Variants in HSPBP1 observed in about 807,000 individuals in gnomAD.
HSPBP1 encodes HSPA (Hsp70) binding protein 1, also known as hsp70-binding protein 1.
Under a neutral mutation model 41.7 loss-of-function variants are expected in HSPBP1, and 31 were observed. That is an observed-to-expected ratio of 0.74 (90% CI 0.56 to 1.00). HSPBP1 has a LOEUF of 1.00. Ranked by LOEUF, HSPBP1 falls within the 50% of genes least tolerant of loss-of-function variation. The pLI, the probability that HSPBP1 is intolerant of heterozygous loss-of-function variation, is 0.00. For missense variants in HSPBP1, 439 were observed against 487.9 expected (o/e 0.90, Z 0.94); for synonymous variants, 199 against 214.4 (o/e 0.93, Z 0.63).
chr19:55,279,976 T>G, intron 1 of HSPBP1, 59 bp downstream of exon 1: 1 of 360,370 alleles, frequency 2.8e-6, no homozygotes, highest in Non-Finnish European at 5.2e-6. Flanking sequence ...TTGGTCTCCT[T>G]AGCAACAAGT....
At position 55,268,782 on chromosome 19, in the gene HSPBP1, C is replaced by A. The variant is rs1354927331; in HGVS notation, c.641-2496G>T. Among the ~76,000 whole-genome samples the A allele has an allele frequency of 1.3e-5, 2 of 152,032 alleles. No homozygotes were observed. The highest frequency in any genetic ancestry group is 4.8e-5 in the African/African-American group (2 of 41,380). ...CTCTCGGGTTCAAGCAATTTTTATG[C>A]CTCAACCTACCGAGTAGCCGAGATT... On this transcript the variant is annotated intron_variant, in intron 4 of 7. Coordinates refer to ENST00000433386, the MANE Select transcript of HSPBP1 (RefSeq NM_012267.5). The surrounding 1 kb of genome is among the most constrained non-coding windows in gnomAD (Gnocchi z 4.5).
At chr19:55,263,737 T>A (rs988904093) in intron 7 of HSPBP1, among the ~76,000 whole-genome samples, 1 of 152,184 alleles carries the variant, frequency 6.6e-6, no homozygotes, top group Non-Finnish European at 1.5e-5. Context: ...AGAATTCACA[T>A]GCACCTTTGC....
intron 4 of HSPBP1, among the ~76,000 whole-genome samples, chr19:55,266,507 AC>A (rs2087790569): frequency 2.4e-5 from 1 of 41,116 alleles, no homozygotes; most frequent in Non-Finnish European, 6.0e-5. Flanking sequence ...TATCACCATC[AC>A]CACCACCACC....
chr19:55,269,916 G>A (rs1568963628), intron 4 of HSPBP1, among the ~76,000 whole-genome samples: 1 of 152,300 alleles, frequency 6.6e-6, no homozygotes, highest in East Asian at 1.9e-4. Context: ...CACTCTGGTA[G>A]ACTGTAACAA....
At chr19:55,265,437 C>T (rs1179140058) in intron 6 of HSPBP1, 48 bp from the exon 7 acceptor site, 1 of 1,470,986 alleles carries the variant, frequency 6.8e-7, no homozygotes, top group South Asian at 1.1e-5. Context: ...CTAGAGGCCT[C>T]ACTGACCCAA....
In HSPBP1 at chr19:55,279,812, G is replaced by T. The variant is rs377513889; in HGVS notation, c.-94-110C>A. On this transcript the variant is annotated intron_variant, in intron 1 of 7. Transcript: ENST00000433386. The stretch of plus-strand genomic sequence containing the variant: ...CCCTTTTCCTTCCTTCATACCCACA[G>T]GACCCTTCCCCAAAGTCATAAGCCT... 10 of 1,258,370 alleles carry T rather than the reference G, an allele frequency of 7.9e-6. No individual in the cohort carries two copies. The South Asian group carries it at 1.3e-4, about 16-fold the overall frequency. The allele number at this position is 1,258,370 out of a possible 1,614,324, so 78.0% of individuals were successfully genotyped here.
intron 2 of HSPBP1, 147 bp from the exon 3 acceptor site, chr19:55,277,993 T>A (rs2088122066): frequency 1.4e-6 from 1 of 724,682 alleles, no homozygotes; most frequent in Admixed American, 3.2e-5. Context: ...ATCCCTGTAA[T>A]CCCAGCACTT....
chr19:55,279,780 C>T, intron 1 of HSPBP1, 78 bp from the exon 2 acceptor site: 5 of 1,473,696 alleles, frequency 3.4e-6, no homozygotes, highest in Non-Finnish European at 4.6e-6. Flanking sequence ...GCCCACTTAA[C>T]CACAGCCCCT....
At chr19:55,273,930 A>G (rs73053144) in intron 4 of HSPBP1, among the ~76,000 whole-genome samples, 1,889 of 151,158 alleles carry the variant, frequency 0.012, 24 homozygotes, top group Middle Eastern at 0.041. Context: ...ATGAAAAAAA[A>G]AAGAAGAAGA....
In HSPBP1 at chr19:55,265,361, G is replaced by A. The variant is rs762663099; in HGVS notation, c.922C>T (p.Arg308Cys). 11 of 1,613,210 alleles carry A rather than the reference G, an allele frequency of 6.8e-6. No individual in the cohort carries two copies. The highest frequency in any genetic ancestry group is 3.3e-5 in the Admixed American group (2 of 59,974). Residue 308 changes from arginine (R) to cysteine (C), a missense_variant, in exon 7 of 8, where the codon CGC (arginine) becomes TGC (cysteine). Coordinates refer to ENST00000433386, the MANE Select transcript of HSPBP1 (RefSeq NM_012267.5). ...CCCAGTTCCGGCTCCCGACACTCGC[G>A]CACACCCTGCGGAAAGTCTGTCACC... ...SLVTDFPQGV[R>C]ECREPELGLE... is the part of the protein sequence containing the mutation.
chr19:55,279,425 G>C lies in HSPBP1; in HGVS notation c.184C>G (p.Pro62Ala), dbSNP rs2088166522. 1 of 1,601,050 alleles carries C rather than the reference G, an allele frequency of 6.2e-7. No homozygotes were observed. The highest frequency in any genetic ancestry group is 8.5e-7 in the Non-Finnish European group (1 of 1,176,984). The part of the protein sequence containing the change: ...AITAGSEEPD[P>A]PPEPMSEERR... ...TCCTCACTCATCGGTTCTGGAGGAG[G>C]GTCTGGCTCTTCAGAGCCCGCGGTG... Residue 62 changes from proline (P) to alanine (A), a missense_variant, in exon 2 of 8, where the codon CCT becomes GCT. By Grantham distance (27) the Pro-to-Ala change is conservative (BLOSUM62 -1). Coordinates refer to ENST00000433386, the MANE Select transcript of HSPBP1 (RefSeq NM_012267.5).
chr19:55,264,896 G>A (rs1239595071), intron 7 of HSPBP1, among the ~76,000 whole-genome samples: 2 of 152,080 alleles, frequency 1.3e-5, no homozygotes, highest in African/African-American at 2.4e-5. Context: ...GCAAGGACTG[G>A]CTGGCTCTGC....
At position 55,274,509 on chromosome 19, in the gene HSPBP1, C is replaced by A. The variant is rs1334867062; in HGVS notation, c.529G>T (p.Ala177Ser). 1 of 1,601,688 alleles carries A rather than the reference C, an allele frequency of 6.2e-7. No homozygotes were observed. Among genetic ancestry groups the A allele is most frequent in the South Asian group, 1.1e-5 (1 of 89,692 alleles). ...QLIGTCSQNV[A>S]AIQEQVLGLG... ...CCCAGCACCTGCTCCTGGATGGCTG[C>A]CACGTTCTGACTGCACGTGCCGATG... is the stretch of plus-strand genomic sequence containing the variant. The change falls in exon 4 of 8, where the codon GCA (alanine) becomes TCA (serine). Residue 177 changes from alanine (A) to serine (S), a missense_variant. By Grantham distance (99) the Ala-to-Ser change is moderately conservative. Transcript: ENST00000433386.
intron 4 of HSPBP1, among the ~76,000 whole-genome samples, chr19:55,273,068 C>A (rs1029327721): frequency 6.6e-6 from 1 of 152,192 alleles, no homozygotes; most frequent in South Asian, 2.1e-4. Context: ...TGGCTCACTG[C>A]AGCCTCAACT....
At chr19:55,264,986 G>C (rs2087733954) in intron 7 of HSPBP1, among the ~76,000 whole-genome samples, 3 of 149,538 alleles carry the variant, frequency 2.0e-5, no homozygotes, top group Non-Finnish European at 1.5e-5. Context: ...CTCACACCTG[G>C]TCCTCCTCAC....
chr19:55,276,104 CAAA>C (rs59561808), intron 3 of HSPBP1, among the ~76,000 whole-genome samples: 1 of 65,988 alleles, frequency 1.5e-5, no homozygotes, highest in African/African-American at 6.2e-5. Flanking sequence ...GAGACTGACT[CAAA>C]AAAAAAAAAA....
At position 55,265,260 on chromosome 19, in the gene HSPBP1, C is replaced by A. The variant is rs775660062; in HGVS notation, c.1005+18G>T. On this transcript the variant is annotated intron_variant, in intron 7 of 7. Coordinates refer to ENST00000433386, the MANE Select transcript of HSPBP1 (RefSeq NM_012267.5). ...CTTGCACCTGGTCCTCCTTGCACCC[C>A]GTCCCCTCCCCATGTACCTGGTACT... is the stretch of plus-strand genomic sequence containing the variant. 2 of 1,578,602 alleles carry A rather than the reference C, an allele frequency of 1.3e-6. No individual in the cohort carries two copies. The highest frequency in any genetic ancestry group is 1.7e-6 in the Non-Finnish European group (2 of 1,150,862).
At position 55,262,265 on chromosome 19, in the gene HSPBP1, C is replaced by T; in HGVS notation, c.*343G>A. 1.5e-6 allele frequency: 1 copy of T among 658,714 alleles called. No homozygotes were observed. Among genetic ancestry groups the T allele is most frequent in the South Asian group, 5.8e-5 (1 of 17,190 alleles). 40.8% of individuals were successfully genotyped at this position (658,714 alleles called of 1,614,324 possible). A position where few individuals can be genotyped will look rare whatever the true frequency, so the allele number is the denominator to read the frequency against. On this transcript the variant is annotated 3_prime_UTR_variant, in exon 8 of 8. Transcript: ENST00000433386. ...CACTTTTATTATTCTTCCAGTGGCT[C>T]CCCAAGTCCCTTAAACCCGTGCCCC...
At position 55,270,409 on chromosome 19, in the gene HSPBP1, T is replaced by A. The variant is rs2087891318; in HGVS notation, c.640+3989A>T. On this transcript the variant is annotated intron_variant, in intron 4 of 7. Transcript: ENST00000433386. The surrounding 1 kb of genome is among the most constrained non-coding windows in gnomAD (Gnocchi z 5.4). ...ATGAGGTGCAGCGCACAGGGCTTAG[T>A]GCAATGAGACCTTCAGGGAACGAGG... is the stretch of plus-strand genomic sequence containing the variant. 6.6e-6 allele frequency among the ~76,000 whole-genome samples: 1 copy of A among 152,208 alleles called. No homozygotes were observed. Among genetic ancestry groups the A allele is most frequent in the East Asian group, 1.9e-4 (1 of 5,162 alleles).
Sources: allele counts gnomAD v4.1 joint callset (sites outside exome capture counted in the v4.1 genomes callset), GRCh38; gene constraint gnomAD v4.1.1; non-coding constraint Gnocchi (gnomAD v3.1); transcripts MANE v1.5; gene names NCBI Gene and HGNC (gene_info 2026-07-23, HGNC 2026-07-21).